The following LRRC4C variants were observed in gnomAD, a reference collection of about 807,000 sequenced individuals.
LRRC4C encodes leucine-rich repeat-containing protein 4C.
LRRC4C carries 5 observed loss-of-function variants against 33.6 expected under a neutral mutation model. The ratio of observed to expected loss-of-function variants is 0.15; its 90% CI spans 0.08 to 0.31. The LOEUF is 0.31. Among genes scored for constraint, LRRC4C ranks in the 10% least tolerant of loss-of-function variants. LRRC4C has a pLI of 1.00. For synonymous variants in LRRC4C, 329 were observed against 302.0 expected, an observed-to-expected ratio of 1.09 and a Z score of -0.93; for missense variants, 560 against 796.7, an observed-to-expected ratio of 0.70 and a Z score of 3.58.
At chr11:40,175,913 A>G (rs1469754173) in intron 5 of LRRC4C, among the ~76,000 whole-genome samples, 2 of 152,114 alleles carry the variant, frequency 1.3e-5, no homozygotes, top group African/African-American at 4.8e-5. Context: ...GATTTCAGCT[A>G]CTGTGTCCCA....
At chr11:41,175,577 A>G (rs1945163091) in intron 1 of LRRC4C, among the ~76,000 whole-genome samples, 1 of 151,956 alleles carries the variant, frequency 6.6e-6, no homozygotes, top group Admixed American at 6.6e-5. Context: ...ACTTCCACCT[A>G]CATTTAGTCA....
chr11:40,686,720 GT>G (rs1460972568), intron 2 of LRRC4C, among the ~76,000 whole-genome samples: 2 of 151,988 alleles, frequency 1.3e-5, no homozygotes, highest in Non-Finnish European at 2.9e-5. Context: ...CAAGAGCAGT[GT>G]TTCTCTAATT....
chr11:40,549,822 G>T (rs944256182), intron 3 of LRRC4C, among the ~76,000 whole-genome samples: 6 of 150,986 alleles, frequency 4.0e-5, no homozygotes, highest in Admixed American at 4.0e-4. Flanking sequence ...CATTTAAATG[G>T]TGTTGAATCT....
chr11:41,018,787 G>A (rs1161817029), intron 1 of LRRC4C, among the ~76,000 whole-genome samples: 2 of 152,222 alleles, frequency 1.3e-5, no homozygotes, highest in East Asian at 3.9e-4. Flanking sequence ...GCGTGGTGGT[G>A]AATGCTAGGA....
intron 2 of LRRC4C, among the ~76,000 whole-genome samples, chr11:40,663,701 A>G (rs7938171): frequency 0.02 from 3,119 of 152,306 alleles, 81 homozygotes; most frequent in African/African-American, 0.071. Flanking sequence ...TCCATTCAAC[A>G]TGAAGTTATA....
chr11:41,180,840 G>A (rs751082972), intron 1 of LRRC4C, among the ~76,000 whole-genome samples: 33 of 151,748 alleles, frequency 2.2e-4, no homozygotes, highest in Non-Finnish European at 3.8e-4. Context: ...AATCCCTGCC[G>A]CAGAACATCA....
chr11:40,147,062 G>C (rs1857796378), intron 5 of LRRC4C, among the ~76,000 whole-genome samples: 1 of 152,146 alleles, frequency 6.6e-6, no homozygotes, highest in Non-Finnish European at 1.5e-5. Flanking sequence ...AGAAAGCCAA[G>C]TGTTCTCTTT....
At chr11:40,559,830 G>T (rs1161437890) in intron 3 of LRRC4C, among the ~76,000 whole-genome samples, 1 of 152,054 alleles carries the variant, frequency 6.6e-6, no homozygotes, top group Non-Finnish European at 1.5e-5. Flanking sequence ...GTGATATTAA[G>T]CTTTTTTTTC....
Position 40,149,547 on chromosome 11 carries a change from C to A in LRRC4C, c.-95-8694G>T, listed in dbSNP as rs531492087. Among the ~76,000 whole-genome samples, 8 of 152,132 alleles carry A rather than the reference C, an allele frequency of 5.3e-5. No individual in the cohort carries two copies. In the East Asian group the frequency reaches 1.5e-3, roughly 29 times the overall value. ...TATATATTAATTTTGTATCCTGAGA[C>A]TTTGCTGAAGTTATTTATTAACTTA... On this transcript the variant is annotated intron_variant, in intron 5 of 6. Transcript: ENST00000528697.
chr11:40,116,469 C>T, intron 6 of LRRC4C, 135 bp from the exon 7 acceptor site: 1 of 904,858 alleles, frequency 1.1e-6, no homozygotes. Flanking sequence ...ATCTAATATC[C>T]TTTATTAAGC....
chr11:40,305,151 G>T (rs567043264), intron 4 of LRRC4C, among the ~76,000 whole-genome samples: 4 of 152,300 alleles, frequency 2.6e-5, no homozygotes, highest in Admixed American at 1.3e-4. Context: ...TCTCTGCCTA[G>T]AACATTCCCC....
intron 1 of LRRC4C, among the ~76,000 whole-genome samples, chr11:40,981,349 G>A (rs1852521560): frequency 6.6e-6 from 1 of 151,874 alleles, no homozygotes; most frequent in Non-Finnish European, 1.5e-5. Flanking sequence ...GGGAGGCGGA[G>A]CTTGCAGTGA....
At chr11:40,346,013 C>A (rs1947112780) in intron 3 of LRRC4C, among the ~76,000 whole-genome samples, 1 of 152,096 alleles carries the variant, frequency 6.6e-6, no homozygotes, top group Admixed American at 6.6e-5. Context: ...CATCTCACAC[C>A]AGTCAGAATG....
chr11:41,260,927 G>A (rs993238306), intron 1 of LRRC4C, among the ~76,000 whole-genome samples: 6 of 152,010 alleles, frequency 3.9e-5, no homozygotes, highest in African/African-American at 1.4e-4. Flanking sequence ...TTCATAGCCT[G>A]GTAACTGTAC....
intron 5 of LRRC4C, among the ~76,000 whole-genome samples, chr11:40,142,124 A>G (rs1857409681): frequency 6.6e-6 from 1 of 151,874 alleles, no homozygotes; most frequent in Non-Finnish European, 1.5e-5. Context: ...CTCCACTAAA[A>G]ATACAAAAAT....
chr11:41,092,535 C>A (rs1410909145), intron 1 of LRRC4C, among the ~76,000 whole-genome samples: 1 of 152,170 alleles, frequency 6.6e-6, no homozygotes. Flanking sequence ...TTAGTCCAGG[C>A]AGAATAATCC....
At chr11:41,330,927 T>A (rs1951275092) in intron 1 of LRRC4C, among the ~76,000 whole-genome samples, 1 of 152,224 alleles carries the variant, frequency 6.6e-6, no homozygotes, top group African/African-American at 2.4e-5. Context: ...CTTATATGTC[T>A]TATATGCTTA....
chr11:40,929,194 C>A (rs1957509328), intron 2 of LRRC4C, among the ~76,000 whole-genome samples: 2 of 152,148 alleles, frequency 1.3e-5, no homozygotes, highest in South Asian at 4.1e-4. Context: ...TACTGGATGC[C>A]AACAATACCA....
intron 5 of LRRC4C, among the ~76,000 whole-genome samples, chr11:40,223,581 C>A (rs1163687662): frequency 6.6e-6 from 1 of 152,116 alleles, no homozygotes; most frequent in Non-Finnish European, 1.5e-5. Flanking sequence ...AAGAAGAGAC[C>A]AACCAAGGCT....
Sources: allele counts gnomAD v4.1 joint callset (sites outside exome capture counted in the v4.1 genomes callset), GRCh38; gene constraint gnomAD v4.1.1; transcripts MANE v1.5; gene names NCBI Gene and HGNC (gene_info 2026-07-23, HGNC 2026-07-21).